Variants in TACR1 observed in about 807,000 individuals in gnomAD.
TACR1 encodes the protein tachykinin receptor 1.
In TACR1, 25 loss-of-function variants were observed where a neutral mutation model predicts 35.8. That is an observed-to-expected ratio of 0.70 (90% CI 0.51 to 0.98). The LOEUF (loss-of-function observed/expected upper bound fraction) is 0.98, where lower values mean the gene tolerates loss of function less well. TACR1 is among the 50% of genes least tolerant of loss of function. The pLI is 0.00. For missense variants in TACR1, 478 were observed against 522.9 expected (o/e 0.91, Z 0.84); for synonymous variants, 195 against 206.7 (o/e 0.94, Z 0.48).
At chr2:75,164,094 G>A (rs13432434) in intron 1 of TACR1, among the ~76,000 whole-genome samples, 10 of 152,140 alleles carry the variant, frequency 6.6e-5, no homozygotes, top group Admixed American at 2.6e-4. Context: ...TTGGGAGGCC[G>A]AGGCGGATGG....
At chr2:75,118,762 A>G (rs527407200) in intron 2 of TACR1, 2 of 152,374 alleles carry the variant, frequency 1.3e-5, no homozygotes, top group Admixed American at 6.5e-5. Context: ...GCTGAGCTAC[A>G]GCCCGTGGAA....
intron 1 of TACR1, among the ~76,000 whole-genome samples, chr2:75,141,740 G>T (rs1238819015): frequency 6.6e-6 from 1 of 152,156 alleles, no homozygotes; most frequent in Non-Finnish European, 1.5e-5. Flanking sequence ...ACTTATATGT[G>T]CTCAAAATGT....
At chr2:75,173,205 G>A (rs959187435) in intron 1 of TACR1, among the ~76,000 whole-genome samples, 1 of 152,014 alleles carries the variant, frequency 6.6e-6, no homozygotes, top group East Asian at 1.9e-4. Flanking sequence ...TAAACTTCTT[G>A]CAATCCAGTA....
intron 1 of TACR1, among the ~76,000 whole-genome samples, chr2:75,163,266 A>G (rs1043857825): frequency 2.0e-5 from 3 of 152,194 alleles, no homozygotes; most frequent in Non-Finnish European, 2.9e-5. Context: ...GGGTTTGTCT[A>G]TGGCAACTTT....
intron 1 of TACR1, among the ~76,000 whole-genome samples, chr2:75,127,276 A>G (rs930005440): frequency 2.0e-5 from 3 of 152,220 alleles, no homozygotes; most frequent in African/African-American, 7.2e-5. Flanking sequence ...TTATCTATTC[A>G]GCTAAGCTCA....
chr2:75,109,997 G>C (rs906712378), intron 2 of TACR1, among the ~76,000 whole-genome samples: 1 of 152,122 alleles, frequency 6.6e-6, no homozygotes, highest in African/African-American at 2.4e-5. Context: ...TAGATTAAAA[G>C]GTCTCAGCAA....
At chr2:75,198,465 C>T (rs1676046597) in intron 1 of TACR1, 81 bp downstream of exon 1, 1 of 1,530,632 alleles carries the variant, frequency 6.5e-7, no homozygotes, top group African/African-American at 1.4e-5. Flanking sequence ...TTGACCCATA[C>T]CCCACCCAGT....
chr2:75,137,728 CAAAAAAAAAAAAA>C (rs11326632), intron 1 of TACR1, among the ~76,000 whole-genome samples: 14 of 47,516 alleles, frequency 2.9e-4, no homozygotes, highest in Admixed American at 3.7e-4. Context: ...GTCTCCGTCT[CAAAAAAAAAAAAA>C]AAAAAAAAAA....
Position 75,068,017 on chromosome 2 carries a change from A to G in TACR1, c.585-14262T>C, listed in dbSNP as rs190416317. 7.2e-5 allele frequency among the ~76,000 whole-genome samples: 11 copies of G among 152,374 alleles called. 1 individual carries two copies. The East Asian group carries it at 2.1e-3, about 29-fold the overall frequency. On this transcript the variant is annotated intron_variant, in intron 2 of 4. Transcript: ENST00000305249. Reference sequence around the variant, plus strand: ...GGCTGCACTTTCATCTGGGCAAGATATAATGAAGACTGGGACTGGAAGGGT... The same window carrying G: ...GGCTGCACTTTCATCTGGGCAAGATGTAATGAAGACTGGGACTGGAAGGGT...
At position 75,198,685 on chromosome 2, in the gene TACR1, A is replaced by C; in HGVS notation, c.250T>G (p.Phe84Val). Reference sequence around the variant, plus strand: ...TAGGTGAAGTTCACCACTGTATTGAATGCAGCCATGGAGGCCTCCGCGAAG... The same window carrying C: ...TAGGTGAAGTTCACCACTGTATTGACTGCAGCCATGGAGGCCTCCGCGAAG... ...LAFAEASMAA[F>V]NTVVNFTYAV... Residue 84 changes from phenylalanine (F) to valine (V), a missense_variant, in exon 1 of 5, where the codon TTC (phenylalanine) becomes GTC (valine). By Grantham distance (50) the Phe-to-Val change is conservative (BLOSUM62 -1). Coordinates refer to ENST00000305249, the MANE Select transcript of TACR1 (RefSeq NM_001058.4). The C allele has an allele frequency of 6.2e-7, 1 of 1,614,226 alleles. No individual in the cohort carries two copies. Among genetic ancestry groups the C allele is most frequent in the Non-Finnish European group, 8.5e-7 (1 of 1,180,034 alleles).
intron 1 of TACR1, among the ~76,000 whole-genome samples, chr2:75,195,674 CAAG>C (rs1393787468): frequency 6.6e-6 from 1 of 151,758 alleles, no homozygotes; most frequent in Non-Finnish European, 1.5e-5. Flanking sequence ...AGAAAATAAT[CAAG>C]AAGGCAAAAC....
chr2:75,157,529 G>A (rs1189002506), intron 1 of TACR1, among the ~76,000 whole-genome samples: 6 of 152,210 alleles, frequency 3.9e-5, no homozygotes, highest in South Asian at 2.1e-4. Flanking sequence ...CACAAACAAT[G>A]TGTCAAAGAA....
intron 2 of TACR1, among the ~76,000 whole-genome samples, chr2:75,082,106 T>C (rs933332875): frequency 1.3e-5 from 2 of 152,048 alleles, no homozygotes; most frequent in African/African-American, 4.8e-5. Context: ...GGGTATGATG[T>C]TTCCCTTCCT....
chr2:75,131,389 A>G (rs1226487514), intron 1 of TACR1, among the ~76,000 whole-genome samples: 1 of 152,170 alleles, frequency 6.6e-6, no homozygotes, highest in East Asian at 1.9e-4. Context: ...CACCCTGCCA[A>G]TAATGAGCCA....
At chr2:75,135,598 G>A (rs772013088) in intron 1 of TACR1, among the ~76,000 whole-genome samples, 21 of 152,318 alleles carry the variant, frequency 1.4e-4, no homozygotes, top group Admixed American at 2.6e-4. Flanking sequence ...AGGCAGTGGC[G>A]TCGGCTTAAT....
intron 2 of TACR1, among the ~76,000 whole-genome samples, chr2:75,081,197 A>T (rs1673079681): frequency 6.6e-6 from 1 of 152,250 alleles, no homozygotes; most frequent in South Asian, 2.1e-4. Flanking sequence ...GATGTAAATT[A>T]GTAAACAAAA....
At position 75,120,756 on chromosome 2, in the gene TACR1, G is replaced by T. The variant is rs767522365; in HGVS notation, c.402C>A (p.Ile134=). Residue 134 remains isoleucine (I), a synonymous_variant, in exon 2 of 5, where the codon ATC becomes ATA. Transcript: ENST00000305249. ...TAVAFDRYMA[I]IHPLQPRLSA... ...ACAGCCGGGGCTGGAGGGGATGTAT[G>T]ATGGCCATGTACCTGGAACAGAGAA... The T allele has an allele frequency of 3.1e-6, 5 of 1,612,230 alleles. No individual in the cohort carries two copies. The highest frequency in any genetic ancestry group is 4.2e-6 in the Non-Finnish European group (5 of 1,179,328).
chr2:75,150,857 C>T (rs1674654064), intron 1 of TACR1, among the ~76,000 whole-genome samples: 1 of 152,106 alleles, frequency 6.6e-6, no homozygotes, highest in Non-Finnish European at 1.5e-5. Flanking sequence ...ATGTTGATAG[C>T]AATATGGACA....
chr2:75,175,284 C>T (rs1675385566), intron 1 of TACR1, among the ~76,000 whole-genome samples: 2 of 152,128 alleles, frequency 1.3e-5, no homozygotes, highest in East Asian at 1.9e-4. Context: ...TATTGTCCCA[C>T]GCCCCAAATG....
Sources: allele counts gnomAD v4.1 joint callset (sites outside exome capture counted in the v4.1 genomes callset), GRCh38; gene constraint gnomAD v4.1.1; transcripts MANE v1.5; gene names NCBI Gene and HGNC (gene_info 2026-07-23, HGNC 2026-07-21).